Variants in CIROZ observed in about 807,000 individuals in gnomAD.
CIROZ encodes the protein ciliated left-right organizer ZP-N domains-containing protein.
the CIROZ span, among the ~76,000 whole-genome samples, chr1:10,957,392 G>A: frequency 4.1e-4 from 63 of 152,364 alleles, no homozygotes; most frequent in African/African-American, 1.3e-3. Flanking sequence ...CGCTCCTGCC[G>A]CCATGATCAG....
the CIROZ span, chr1:10,957,241 G>A: frequency 3.4e-5 from 24 of 700,438 alleles, no homozygotes; most frequent in African/African-American, 1.8e-5. Flanking sequence ...CAAAGCCCAG[G>A]TCAGGGATTA....
At chr1:10,947,781 C>T in the CIROZ span, 20 of 1,598,506 alleles carry the variant, frequency 1.3e-5, no homozygotes, top group Middle Eastern at 3.3e-4. Context: ...TGAGGCCCCC[C>T]GGCCAGCCTG....
chr1:10,951,765 T>TGC, the CIROZ span, among the ~76,000 whole-genome samples: 1 of 145,884 alleles, frequency 6.9e-6, no homozygotes, highest in South Asian at 2.1e-4. Context: ...TATATATATA[T>TGC]GCACACACAC....
chr1:10,955,733 A>T, the CIROZ span, among the ~76,000 whole-genome samples: 1 of 151,832 alleles, frequency 6.6e-6, no homozygotes, highest in Middle Eastern at 3.4e-3. Context: ...AATCCCAGCT[A>T]CTTGGGAGGC....
chr1:10,967,700 G>A, the CIROZ span, among the ~76,000 whole-genome samples: 28 of 152,252 alleles, frequency 1.8e-4, no homozygotes, highest in African/African-American at 4.1e-4. Flanking sequence ...GGCTGGGCAC[G>A]GTGGCTCACA....
the CIROZ span, chr1:10,963,988 A>G: frequency 1.6e-5 from 17 of 1,059,228 alleles, no homozygotes; most frequent in Non-Finnish European, 2.1e-5. Context: ...GAACAATGCC[A>G]TACTGCATCT....
the CIROZ span, among the ~76,000 whole-genome samples, chr1:10,955,862 A>AG: frequency 6.8e-6 from 1 of 147,712 alleles, no homozygotes; most frequent in Non-Finnish European, 1.5e-5. Context: ...AAAAAAAAAA[A>AG]GAAAGAAATA....
chr1:10,973,231 G>C, the CIROZ span, among the ~76,000 whole-genome samples: 3 of 152,106 alleles, frequency 2.0e-5, no homozygotes, highest in Non-Finnish European at 4.4e-5. Context: ...AAATTAGCTG[G>C]GCGTGGTTGC....
At chr1:10,956,535 G>A in the CIROZ span, among the ~76,000 whole-genome samples, 1 of 151,452 alleles carries the variant, frequency 6.6e-6, no homozygotes, top group Non-Finnish European at 1.5e-5. Context: ...GAGTGCAGTG[G>A]CACCATCTCG....
At chr1:10,957,780 C>G in the CIROZ span, 7 of 1,603,186 alleles carry the variant, frequency 4.4e-6, no homozygotes, top group Non-Finnish European at 1.7e-6. Flanking sequence ...CGATCACAAA[C>G]CATGTGGCCA....
the CIROZ span, among the ~76,000 whole-genome samples, chr1:10,974,267 G>A: frequency 6.6e-6 from 1 of 152,052 alleles, no homozygotes; most frequent in Non-Finnish European, 1.5e-5. The surrounding 1 kb of genome is among the most constrained non-coding windows in gnomAD (Gnocchi z 4.4). Flanking sequence ...TCTCCCCTTT[G>A]AGGTCCATAA....
the CIROZ span, among the ~76,000 whole-genome samples, chr1:10,953,294 A>G: frequency 2.0e-5 from 3 of 152,360 alleles, no homozygotes; most frequent in East Asian, 5.8e-4. Context: ...AGGAAGTATA[A>G]GATGAAAGTG....
At chr1:10,966,447 G>C in the CIROZ span, 2 of 1,536,640 alleles carry the variant, frequency 1.3e-6, no homozygotes, top group East Asian at 4.9e-5. Flanking sequence ...CATTTAGCAA[G>C]AGAAGAATCC....
the CIROZ span, among the ~76,000 whole-genome samples, chr1:10,978,696 C>T: frequency 2.0e-5 from 3 of 151,906 alleles, no homozygotes; most frequent in South Asian, 2.1e-4. Flanking sequence ...GGTAACAAAG[C>T]GAGACCCTGT....
chr1:10,971,958 T>A, the CIROZ span, among the ~76,000 whole-genome samples: 1 of 152,188 alleles, frequency 6.6e-6, no homozygotes, highest in African/African-American at 2.4e-5. Context: ...TTCTCCCCCA[T>A]GACACATAAA....
chr1:10,950,387 C>G, the CIROZ span, among the ~76,000 whole-genome samples: 1 of 152,256 alleles, frequency 6.6e-6, no homozygotes, highest in East Asian at 1.9e-4. Flanking sequence ...GGGCACCTGG[C>G]CCTGACTCCC....
the CIROZ span, chr1:10,949,470 A>G: frequency 1.2e-6 from 1 of 860,308 alleles, no homozygotes; most frequent in Non-Finnish European, 1.8e-6. Context: ...TCTGAATTTG[A>G]GGAGGTAACA....
chr1:10,970,609 G>A, the CIROZ span, among the ~76,000 whole-genome samples: 2 of 152,068 alleles, frequency 1.3e-5, no homozygotes, highest in East Asian at 1.9e-4. Flanking sequence ...AGCCTGGGTG[G>A]CAGCGAAACT....
chr1:10,953,530 G>A, the CIROZ span, among the ~76,000 whole-genome samples: 32 of 152,272 alleles, frequency 2.1e-4, no homozygotes, highest in Non-Finnish European at 3.1e-4. Context: ...AAGGACACTC[G>A]TCTGTCTACC....
Sources: allele counts gnomAD v4.1 joint callset (sites outside exome capture counted in the v4.1 genomes callset), GRCh38; gene constraint gnomAD v4.1.1; non-coding constraint Gnocchi (gnomAD v3.1); transcripts MANE v1.5; gene names NCBI Gene and HGNC (gene_info 2026-07-23, HGNC 2026-07-21).